The following PPP1R10 variants were observed in gnomAD, a reference collection of about 807,000 sequenced individuals.
The protein encoded by PPP1R10 is serine/threonine-protein phosphatase 1 regulatory subunit 10.
PPP1R10 carries 15 observed loss-of-function variants against 99.0 expected under a neutral mutation model. The ratio of observed to expected loss-of-function variants is 0.15; its 90% CI spans 0.10 to 0.23. The LOEUF (loss-of-function observed/expected upper bound fraction) is 0.23, where lower values mean the gene tolerates loss of function less well. Ranked by LOEUF, PPP1R10 falls within the 10% of genes least tolerant of loss-of-function variation. The pLI, the probability that PPP1R10 is intolerant of heterozygous loss-of-function variation, is 1.00. For synonymous variants in PPP1R10, 430 were observed against 449.5 expected (o/e 0.96, Z 0.55); for missense variants, 947 against 1,259.4 (o/e 0.75, Z 3.75).
At chr6:30,608,642 C>A (rs1018777833) in intron 5 of PPP1R10, 137 bp downstream of exon 5, 1 of 1,158,912 alleles carries the variant, frequency 8.6e-7, no homozygotes, top group Non-Finnish European at 1.2e-6. Flanking sequence ...ACCAAGTCTT[C>A]TTCTTCTAAA....
chr6:30,603,962 T>C (rs1464063228), intron 14 of PPP1R10, 46 bp downstream of exon 14: 1 of 1,539,018 alleles, frequency 6.5e-7, no homozygotes, highest in Admixed American at 2.1e-5. Context: ...CCCTCAGGAG[T>C]GTCCAAGCAC....
In PPP1R10 at chr6:30,606,596, G is replaced by C. The variant is rs542425503; in HGVS notation, c.506C>G (p.Thr169Ser). 1 of 1,614,212 alleles carries C rather than the reference G, an allele frequency of 6.2e-7. No individual in the cohort carries two copies. Among genetic ancestry groups the C allele is most frequent in the Admixed American group, 1.7e-5 (1 of 60,026 alleles). Reference sequence around the variant, plus strand: ...CTCTGTCAAAGGTCGCTCAGGAAGGGTAGTTCGACTTTTTCCTTCATCTTT... The same window carrying C: ...CTCTGTCAAAGGTCGCTCAGGAAGGCTAGTTCGACTTTTTCCTTCATCTTT... ...KRKDEGKSRT[T>S]LPERPLTEVK... The change falls in exon 8 of 20, where the codon ACC becomes AGC. Residue 169 changes from threonine (T) to serine (S), a missense_variant. Physicochemically the swap from Thr to Ser is moderately conservative, Grantham distance 58. Transcript: ENST00000376511. This position sits in a 1 kb window ranked among gnomAD's most constrained non-coding sequence, Gnocchi z 6.3.
At position 30,606,899 on chromosome 6, in the gene PPP1R10, A is replaced by T; in HGVS notation, c.383-43T>A. 2 of 1,523,126 alleles carry T rather than the reference A, an allele frequency of 1.3e-6. No individual in the cohort carries two copies. The highest frequency in any genetic ancestry group is 1.8e-6 in the Non-Finnish European group (2 of 1,101,756). 94.4% of individuals were successfully genotyped at this position (1,523,126 alleles called of 1,614,324 possible). ...GGGAAATGCCTAAATAATGTAAAGT[A>T]ACATTCTTCCAGGAACAGAAAATGG... On this transcript the variant is annotated intron_variant, in intron 6 of 19. Transcript: ENST00000376511. The surrounding 1 kb of genome is among the most constrained non-coding windows in gnomAD (Gnocchi z 6.3).
intron 10 of PPP1R10, 117 bp from the exon 11 acceptor site, chr6:30,605,211 G>C: frequency 1.2e-6 from 1 of 819,818 alleles, no homozygotes; most frequent in Non-Finnish European, 2.0e-6. Context: ...CTTAGGACAC[G>C]ATAAGCTCAA....
chr6:30,601,745 ACTGT>A, intron 19 of PPP1R10, 87 bp from the exon 20 acceptor site: 2 of 1,383,416 alleles, frequency 1.4e-6, no homozygotes, highest in Non-Finnish European at 2.0e-6. Flanking sequence ...CATCCTGAGA[ACTGT>A]CTTTCAGAGA....
At position 30,606,687 on chromosome 6, in the gene PPP1R10, A is replaced by G. The variant is rs1294597920; in HGVS notation, c.461-46T>C. On this transcript the variant is annotated intron_variant, in intron 7 of 19. Coordinates refer to ENST00000376511, the MANE Select transcript of PPP1R10 (RefSeq NM_002714.4). This position sits in a 1 kb window ranked among gnomAD's most constrained non-coding sequence, Gnocchi z 6.3. ...AGAAAAGGATTTTATTTAGATGAAC[A>G]CTGTCAGAGGTGAAGCAGACTGGGA... is the stretch of plus-strand genomic sequence containing the variant. 1.9e-6 allele frequency: 3 copies of G among 1,613,026 alleles called. No homozygotes were observed. The highest frequency in any genetic ancestry group is 2.5e-6 in the Non-Finnish European group (3 of 1,179,200).
At chr6:30,616,155 C>T (rs983281846) in intron 2 of PPP1R10, among the ~76,000 whole-genome samples, 2 of 152,178 alleles carry the variant, frequency 1.3e-5, no homozygotes, top group Non-Finnish European at 2.9e-5. Flanking sequence ...ACCATTCCTC[C>T]TTATATAAAC....
chr6:30,612,949 G>A (rs570146128), intron 2 of PPP1R10, among the ~76,000 whole-genome samples: 12 of 152,216 alleles, frequency 7.9e-5, no homozygotes, highest in South Asian at 2.1e-4. Context: ...AGTAATCCAC[G>A]GCATGATTAT....
At chr6:30,613,881 C>CA (rs139914199) in intron 2 of PPP1R10, among the ~76,000 whole-genome samples, 6,703 of 151,994 alleles carry the variant, frequency 0.044, 274 homozygotes, top group African/African-American at 0.11. Context: ...CAAAACAAAA[C>CA]AAAAAAAGCT....
chr6:30,602,436 C>T lies in PPP1R10; in HGVS notation c.2213G>A (p.Arg738Gln), dbSNP rs1422481262. Reference protein sequence around the residue: ...GRSGGGPPNGRGGPGGGMVGG... With the variant: ...GRSGGGPPNGQGGPGGGMVGG... The stretch of plus-strand genomic sequence containing the variant: ...AACCATGCCCCCACCAGGGCCCCCT[C>T]GTCCATTTGGGGGTCCTCCTCCAGA... The change falls in exon 19 of 20, where the codon CGA (arginine) becomes CAA (glutamine). Residue 738 changes from arginine to glutamine, a missense_variant. This residue lies in a region of PPP1R10 where 525 missense variants were observed against 578.8 expected (regional missense o/e 0.91). Coordinates refer to ENST00000376511, the MANE Select transcript of PPP1R10 (RefSeq NM_002714.4). The surrounding 1 kb of genome is among the most constrained non-coding windows in gnomAD (Gnocchi z 6.7). 2 of 1,604,856 alleles carry T rather than the reference C, an allele frequency of 1.2e-6. No individual in the cohort carries two copies. The highest frequency in any genetic ancestry group is 1.7e-5 in the Admixed American group (1 of 59,612).
chr6:30,603,625 T>A lies in PPP1R10; in HGVS notation c.1614A>T (p.Glu538Asp). 3.7e-6 allele frequency: 6 copies of A among 1,613,024 alleles called. No individual in the cohort carries two copies. Among genetic ancestry groups the A allele is most frequent in the Non-Finnish European group, 5.1e-6 (6 of 1,179,622 alleles). ...MDETPYVETL[E>D]PGGSGGSPDG... ...CAGGTGAGCCACCTGACCCCCCAGG[T>A]TCCAGAGTCTCAACATACGGAGTCT... The change falls in exon 16 of 20, where the codon GAA (glutamate) becomes GAT (aspartate). Residue 538 changes from glutamate to aspartate, a missense_variant. Around this residue, in one of 10 missense-constraint regions of PPP1R10, gnomAD observed 525 missense variants for 578.8 expected, o/e 0.91. Transcript: ENST00000376511.
chr6:30,613,897 T>C (rs1332029399), intron 2 of PPP1R10, among the ~76,000 whole-genome samples: 1 of 152,132 alleles, frequency 6.6e-6, no homozygotes. Flanking sequence ...AAGCTTGTAG[T>C]CAACAGACAT....
At chr6:30,611,419 T>A (rs1804541918) in intron 2 of PPP1R10, among the ~76,000 whole-genome samples, 1 of 152,076 alleles carries the variant, frequency 6.6e-6, no homozygotes, top group African/African-American at 2.4e-5. Context: ...AACAAAACCT[T>A]CCTCATCCTA....
intron 6 of PPP1R10, 76 bp downstream of exon 6, chr6:30,607,764 G>A (rs1804101853): frequency 1.3e-6 from 2 of 1,481,822 alleles, no homozygotes; most frequent in East Asian, 2.3e-5. Context: ...ACAATCCAAG[G>A]ATGGGAAAAG....
rs1418650072 is a variant in PPP1R10 at position 30,604,596 on chromosome 6, A to G, written c.1094T>C (p.Met365Thr). Reference protein sequence around the residue: ...PVPPVEVPELMDTASLEPGAL... With the variant: ...PVPPVEVPELTDTASLEPGAL... The stretch of plus-strand genomic sequence containing the variant: ...ACCAGTTTCTAGATTACCTGTATCC[A>G]TGAGCTCCGGGACTTCAACAGGGGG... Residue 365 changes from methionine to threonine, a missense_variant, in exon 12 of 20, where the codon ATG (methionine) becomes ACG (threonine). Physicochemically the swap from Met to Thr is moderately conservative, Grantham distance 81. Transcript: ENST00000376511. The surrounding 1 kb of genome is among the most constrained non-coding windows in gnomAD (Gnocchi z 7.3). 6.2e-7 allele frequency: 1 copy of G among 1,613,040 alleles called. No homozygotes were observed. Among genetic ancestry groups the G allele is most frequent in the African/African-American group, 1.3e-5 (1 of 75,026 alleles).
chr6:30,605,163 T>C, intron 10 of PPP1R10, 69 bp from the exon 11 acceptor site: 6 of 1,414,652 alleles, frequency 4.2e-6, no homozygotes, highest in Non-Finnish European at 5.9e-6. Context: ...GCAAACACAG[T>C]CCAGGCATAA....
chr6:30,603,676 GA>G lies in PPP1R10; in HGVS notation c.1573-11del. The G allele has an allele frequency of 6.4e-7, 1 of 1,569,024 alleles. No homozygotes were observed. Among genetic ancestry groups the G allele is most frequent in the Non-Finnish European group, 8.6e-7 (1 of 1,160,922 alleles). On this transcript the variant is annotated splice_polypyrimidine_tract_variant and intron_variant, in intron 15 of 19. Transcript: ENST00000376511. Reference sequence around the variant, plus strand: ...CATCCATGGAACACTCCTGAAAGAAGAACAAAAAAAATCAGGATTGACAGAA... The same window carrying G: ...CATCCATGGAACACTCCTGAAAGAAGACAAAAAAAATCAGGATTGACAGAA...
At chr6:30,613,391 T>G (rs774686479) in intron 2 of PPP1R10, among the ~76,000 whole-genome samples, 57 of 152,180 alleles carry the variant, frequency 3.7e-4, no homozygotes, top group Non-Finnish European at 7.1e-4. Context: ...CTTCTGGAAA[T>G]GAAAATGATT....
In PPP1R10 at chr6:30,616,840, A is replaced by C. The variant is rs1205813548; in HGVS notation, c.-374T>G. 4 of 152,230 alleles carry C rather than the reference A, an allele frequency of 2.6e-5. No homozygotes were observed. The highest frequency in any genetic ancestry group is 5.9e-5 in the Non-Finnish European group (4 of 68,044). The allele number at this position is 152,230 out of a possible 1,614,324, so 9.4% of individuals were successfully genotyped here. ...GCAGCGTGGGCTGGTGGGGTGGGCA[A>C]GATAGGTGGGAAGGGGCAGAAGACA... On this transcript the variant is annotated 5_prime_UTR_variant, in exon 2 of 20. Coordinates refer to ENST00000376511, the MANE Select transcript of PPP1R10 (RefSeq NM_002714.4).
Sources: allele counts gnomAD v4.1 joint callset (sites outside exome capture counted in the v4.1 genomes callset), GRCh38; gene constraint gnomAD v4.1.1; regional missense constraint gnomAD v4.1.1; non-coding constraint Gnocchi (gnomAD v3.1); transcripts MANE v1.5; gene names NCBI Gene and HGNC (gene_info 2026-07-23, HGNC 2026-07-21).